Variants in PTPRD observed in about 807,000 individuals in gnomAD.
The protein encoded by PTPRD is protein tyrosine phosphatase receptor type D.
A neutral mutation model predicts 214.5 loss-of-function variants in PTPRD; 34 were observed. The ratio of observed to expected loss-of-function variants is 0.16; its 90% CI spans 0.12 to 0.21. The LOEUF is 0.21. Ranked by LOEUF, PTPRD falls within the 10% of genes least tolerant of loss-of-function variation. PTPRD has a pLI of 1.00. For missense variants in PTPRD, 2,545 were observed against 2,398.7 expected (o/e 1.06, Z -1.27); for synonymous variants, 1,128 against 845.7 (o/e 1.33, Z -5.79).
At chr9:10,504,911 G>C (rs966185956) in intron 2 of PTPRD, among the ~76,000 whole-genome samples, 2 of 152,088 alleles carry the variant, frequency 1.3e-5, no homozygotes, top group Non-Finnish European at 2.9e-5. Flanking sequence ...CAGAGGAAAG[G>C]GGTTGCTGAG....
At chr9:9,794,079 C>G (rs1272228958) in intron 5 of PTPRD, among the ~76,000 whole-genome samples, 1 of 151,790 alleles carries the variant, frequency 6.6e-6, no homozygotes, top group South Asian at 2.1e-4. Flanking sequence ...TTGTCCTTCC[C>G]TCAGGTGTTC....
intron 9 of PTPRD, among the ~76,000 whole-genome samples, chr9:9,272,109 G>A (rs1271905419): frequency 6.6e-6 from 1 of 150,954 alleles, no homozygotes. Flanking sequence ...GACTGTCAGA[G>A]AATTAAAAGT....
chr9:9,469,559 A>G (rs1225610682), intron 8 of PTPRD, among the ~76,000 whole-genome samples: 1 of 152,200 alleles, frequency 6.6e-6, no homozygotes, highest in African/African-American at 2.4e-5. Flanking sequence ...TGCAATAAAA[A>G]AGACCACATG....
intron 14 of PTPRD, among the ~76,000 whole-genome samples, chr9:8,628,558 G>A (rs1485212294): frequency 6.6e-6 from 1 of 151,308 alleles, no homozygotes; most frequent in Non-Finnish European, 1.5e-5. Context: ...AAGCTGGAGA[G>A]GGGTGATCTG....
At chr9:10,049,254 A>G (rs181465038) in intron 3 of PTPRD, among the ~76,000 whole-genome samples, 105 of 152,188 alleles carry the variant, frequency 6.9e-4, no homozygotes, top group Non-Finnish European at 6.2e-4. Context: ...TTTTTCCAGG[A>G]CAGACATTTA....
chr9:9,576,393 G>T (rs897376010), intron 7 of PTPRD, among the ~76,000 whole-genome samples: 1 of 152,030 alleles, frequency 6.6e-6, no homozygotes, highest in Non-Finnish European at 1.5e-5. Context: ...TCTTCCAGTA[G>T]ACCTCCCGGG....
At chr9:8,415,942 G>C (rs141376558) in intron 35 of PTPRD, among the ~76,000 whole-genome samples, 1 of 152,064 alleles carries the variant, frequency 6.6e-6, no homozygotes, top group Non-Finnish European at 1.5e-5. Context: ...CTCAAGGTCT[G>C]GAAGCCTGTC....
chr9:9,470,330 G>A (rs1217996709), intron 8 of PTPRD, among the ~76,000 whole-genome samples: 4 of 152,126 alleles, frequency 2.6e-5, no homozygotes, highest in Admixed American at 2.6e-4. Flanking sequence ...ACTGGAAACA[G>A]CAAGATACCA....
intron 7 of PTPRD, among the ~76,000 whole-genome samples, chr9:9,695,212 C>A (rs141362997): frequency 9.1e-4 from 138 of 152,266 alleles, no homozygotes; most frequent in African/African-American, 2.9e-3. Context: ...CTCCAAGGCA[C>A]TGGGTTCCAT....
At chr9:8,431,854 G>A (rs1373099329) in intron 35 of PTPRD, among the ~76,000 whole-genome samples, 1 of 152,200 alleles carries the variant, frequency 6.6e-6, no homozygotes, top group Non-Finnish European at 1.5e-5. Context: ...AAATGAGTTA[G>A]GGAGGAGTCC....
intron 5 of PTPRD, among the ~76,000 whole-genome samples, chr9:9,882,126 C>G (rs972757676): frequency 3.3e-5 from 5 of 152,090 alleles, no homozygotes; most frequent in African/African-American, 1.2e-4. Context: ...ACTCACACAA[C>G]TTTAATATTT....
chr9:8,872,073 A>G (rs1304681414), intron 11 of PTPRD, among the ~76,000 whole-genome samples: 1 of 152,218 alleles, frequency 6.6e-6, no homozygotes, highest in Non-Finnish European at 1.5e-5. Flanking sequence ...CAAGACCCCT[A>G]TAAAGTAGGC....
chr9:9,484,565 A>G (rs187717379), intron 8 of PTPRD, among the ~76,000 whole-genome samples: 1 of 152,262 alleles, frequency 6.6e-6, no homozygotes, highest in African/African-American at 2.4e-5. Context: ...AAAAAGCAGA[A>G]CAAACAACAT....
intron 11 of PTPRD, among the ~76,000 whole-genome samples, chr9:8,996,321 CA>C (rs1378543710): frequency 6.6e-6 from 1 of 151,968 alleles, no homozygotes; most frequent in Non-Finnish European, 1.5e-5. Context: ...ATACACACAA[CA>C]ACATGGTAGG....
At chr9:10,449,249 C>T (rs571152952) in intron 2 of PTPRD, among the ~76,000 whole-genome samples, 2 of 151,798 alleles carry the variant, frequency 1.3e-5, no homozygotes, top group Non-Finnish European at 2.9e-5. Flanking sequence ...CCGCGTTGGC[C>T]GGGCTGGTCT....
chr9:10,249,198 GA>G (rs980910946), intron 3 of PTPRD, among the ~76,000 whole-genome samples: 1 of 151,690 alleles, frequency 6.6e-6, no homozygotes, highest in Non-Finnish European at 1.5e-5. Context: ...GAAGGAGATA[GA>G]AAAAAAAGGT....
At chr9:10,329,075 T>A (rs2096701655) in intron 3 of PTPRD, among the ~76,000 whole-genome samples, 1 of 151,788 alleles carries the variant, frequency 6.6e-6, no homozygotes, top group Non-Finnish European at 1.5e-5. Flanking sequence ...GAACACCAGC[T>A]TAATACATTG....
intron 2 of PTPRD, among the ~76,000 whole-genome samples, chr9:10,589,301 G>A (rs2074784723): frequency 1.3e-5 from 2 of 152,014 alleles, no homozygotes; most frequent in African/African-American, 4.8e-5. Context: ...CTATAAGAGG[G>A]AAGAACACAA....
In PTPRD at chr9:9,154,793, C is replaced by T. The variant is rs1303900902; in HGVS notation, c.-143+28511G>A. Among the ~76,000 whole-genome samples the T allele has an allele frequency of 2.0e-5, 3 of 151,970 alleles. No homozygotes were observed. In the East Asian group the frequency reaches 5.8e-4, roughly 29 times the overall value. ...TGTAGGCAATGAAAATGACAAAAAC[C>T]ACTTTTTGTTTATGTGGCCTTTTAA... is the stretch of plus-strand genomic sequence containing the variant. On this transcript the variant is annotated intron_variant, in intron 10 of 45. Coordinates refer to ENST00000381196, the MANE Select transcript of PTPRD (RefSeq NM_002839.4).
Sources: allele counts gnomAD v4.1 joint callset (sites outside exome capture counted in the v4.1 genomes callset), GRCh38; gene constraint gnomAD v4.1.1; transcripts MANE v1.5; gene names NCBI Gene and HGNC (gene_info 2026-07-23, HGNC 2026-07-21).